The following CSMD1 variants were observed in gnomAD, a reference collection of about 807,000 sequenced individuals.
CSMD1 encodes CUB and Sushi multiple domains 1, also known as CUB and sushi domain-containing protein 1.
A neutral mutation model predicts 417.5 loss-of-function variants in CSMD1; 213 were observed. The ratio of observed to expected loss-of-function variants is 0.51; its 90% CI spans 0.46 to 0.57. The LOEUF is 0.57. Among genes scored for constraint, CSMD1 ranks in the 20% least tolerant of loss-of-function variants. The pLI, the probability that CSMD1 is intolerant of heterozygous loss-of-function variation, is 0.00. For synonymous variants in CSMD1, 2,862 were observed against 1,736.8 expected (o/e 1.65, Z -16.11); for missense variants, 6,923 against 4,529.7 (o/e 1.53, Z -15.17).
intron 1 of CSMD1, among the ~76,000 whole-genome samples, chr8:4,725,975 T>G (rs932131713): frequency 2.0e-5 from 3 of 152,084 alleles, no homozygotes; most frequent in Non-Finnish European, 4.4e-5. Flanking sequence ...GGATTTACAG[T>G]GGAATTTTGG....
intron 24 of CSMD1, 140 bp downstream of exon 24, chr8:3,308,172 A>G (rs1259301934): frequency 6.4e-5 from 44 of 683,294 alleles, no homozygotes; most frequent in Non-Finnish European, 1.0e-4. Context: ...AGACACGTGC[A>G]AATCTCAGAA....
chr8:3,235,755 T>C (rs193129877), intron 26 of CSMD1, among the ~76,000 whole-genome samples: 28 of 152,202 alleles, frequency 1.8e-4, no homozygotes, highest in African/African-American at 6.5e-4. Context: ...GAAAGTACCT[T>C]TTGTAGTTCT....
At chr8:3,452,630 G>T (rs1016672124) in intron 12 of CSMD1, among the ~76,000 whole-genome samples, 1 of 152,062 alleles carries the variant, frequency 6.6e-6, no homozygotes, top group Non-Finnish European at 1.5e-5. Flanking sequence ...AATTGATTTG[G>T]GTATGTTGAA....
chr8:4,175,775 C>T (rs1028324792), intron 3 of CSMD1, among the ~76,000 whole-genome samples: 1 of 152,094 alleles, frequency 6.6e-6, no homozygotes, highest in African/African-American at 2.4e-5. Flanking sequence ...GATATAAAGT[C>T]ATGAATACTA....
At chr8:4,456,142 G>A (rs1799467417) in intron 2 of CSMD1, among the ~76,000 whole-genome samples, 4 of 150,688 alleles carry the variant, frequency 2.7e-5, no homozygotes, top group Non-Finnish European at 4.4e-5. Context: ...TGCTGAGAGG[G>A]TTAACAGAGA....
intron 2 of CSMD1, among the ~76,000 whole-genome samples, chr8:4,631,415 A>G (rs1304868803): frequency 1.4e-5 from 2 of 139,722 alleles, no homozygotes; most frequent in Non-Finnish European, 3.1e-5. Context: ...TTTTTTTTTA[A>G]TCAGTCCATT....
At chr8:4,549,755 G>C (rs745601158) in intron 2 of CSMD1, among the ~76,000 whole-genome samples, 6 of 151,736 alleles carry the variant, frequency 4.0e-5, no homozygotes, top group Middle Eastern at 3.2e-3. Context: ...AAATTAGCTG[G>C]GTGTGGTGGT....
chr8:3,712,328 C>A (rs1000746179), intron 6 of CSMD1, among the ~76,000 whole-genome samples: 3 of 151,972 alleles, frequency 2.0e-5, no homozygotes, highest in South Asian at 2.1e-4. Flanking sequence ...CTTCCTCCCT[C>A]CAACTGCCCT....
chr8:3,812,635 T>C (rs964813502), intron 5 of CSMD1, among the ~76,000 whole-genome samples: 4 of 152,160 alleles, frequency 2.6e-5, no homozygotes, highest in African/African-American at 9.7e-5. Flanking sequence ...CTGACAAATC[T>C]GTATCCTAGC....
chr8:3,091,686 A>C, intron 47 of CSMD1, 24 bp from the exon 48 acceptor site: 1 of 1,598,918 alleles, frequency 6.3e-7, no homozygotes, highest in Non-Finnish European at 8.5e-7. Flanking sequence ...AAAAACAAAA[A>C]CATTCAGAGA....
chr8:3,386,461 C>G (rs187200482), intron 18 of CSMD1, among the ~76,000 whole-genome samples: 1 of 152,202 alleles, frequency 6.6e-6, no homozygotes, highest in Non-Finnish European at 1.5e-5. Flanking sequence ...TCTGTGGTCT[C>G]GGCCACAGTG....
At chr8:3,226,024 T>A (rs528714713) in intron 27 of CSMD1, among the ~76,000 whole-genome samples, 1 of 152,192 alleles carries the variant, frequency 6.6e-6, no homozygotes, top group Non-Finnish European at 1.5e-5. Context: ...TAGCAGCTCC[T>A]TCACCACCAG....
At chr8:3,448,367 G>A (rs369550367) in intron 12 of CSMD1, among the ~76,000 whole-genome samples, 4 of 121,686 alleles carry the variant, frequency 3.3e-5, no homozygotes, top group African/African-American at 6.2e-5. Flanking sequence ...AGGAAGAAGG[G>A]AGGAAGGGAG....
chr8:4,980,301 C>A (rs1810816546), intron 1 of CSMD1, among the ~76,000 whole-genome samples: 1 of 152,140 alleles, frequency 6.6e-6, no homozygotes, highest in Middle Eastern at 3.2e-3. Flanking sequence ...CAGAGTGTAG[C>A]CACAAGGGCT....
chr8:3,630,272 A>G (rs1796713131), intron 7 of CSMD1, among the ~76,000 whole-genome samples: 1 of 152,170 alleles, frequency 6.6e-6, no homozygotes, highest in Admixed American at 6.5e-5. Context: ...TCTGATGCAA[A>G]ATGACATTTA....
At chr8:4,625,977 G>C (rs907088049) in intron 2 of CSMD1, among the ~76,000 whole-genome samples, 8 of 152,088 alleles carry the variant, frequency 5.3e-5, no homozygotes, top group Non-Finnish European at 8.8e-5. Flanking sequence ...GCCCGCCTTG[G>C]TCTCCCAAAG....
intron 4 of CSMD1, among the ~76,000 whole-genome samples, chr8:4,025,698 G>A (rs1047919567): frequency 6.6e-6 from 1 of 152,086 alleles, no homozygotes; most frequent in Non-Finnish European, 1.5e-5. Flanking sequence ...ACGAATAGTT[G>A]AAAGATTACC....
chr8:3,553,957 T>C (rs1241710844), intron 10 of CSMD1, among the ~76,000 whole-genome samples: 1 of 152,198 alleles, frequency 6.6e-6, no homozygotes, highest in Non-Finnish European at 1.5e-5. Context: ...ATGTAATTTG[T>C]ACATTAGGTG....
At chr8:3,651,089 C>T (rs2117381540) in intron 7 of CSMD1, among the ~76,000 whole-genome samples, 1 of 152,302 alleles carries the variant, frequency 6.6e-6, no homozygotes, top group Non-Finnish European at 1.5e-5. Context: ...TTCGTGCATA[C>T]AATGGCCGTT....
Sources: gnomAD v4.1 joint callset for allele counts (sites outside exome capture counted in the v4.1 genomes callset) on GRCh38, gnomAD v4.1.1 for gene constraint, MANE v1.5 for transcripts, NCBI Gene and HGNC (gene_info 2026-07-23, HGNC 2026-07-21) for gene names.